The following TCF12 variants were observed in gnomAD, a reference collection of about 807,000 sequenced individuals.
TCF12 encodes the protein transcription factor 12.
In TCF12, 45 loss-of-function variants were observed where a neutral mutation model predicts 86.0. The ratio of observed to expected loss-of-function variants is 0.52; its 90% CI spans 0.41 to 0.67. The LOEUF (loss-of-function observed/expected upper bound fraction) is 0.67. TCF12 is among the 30% of genes least tolerant of loss of function. The pLI, the probability that TCF12 is intolerant of heterozygous loss-of-function variation, is 0.00. For missense variants in TCF12, 881 were observed against 859.9 expected (o/e 1.02, Z -0.31); for synonymous variants, 330 against 299.6 (o/e 1.10, Z -1.05).
At chr15:57,281,004 C>A (rs2061658816) in intron 19 of TCF12, among the ~76,000 whole-genome samples, 1 of 152,028 alleles carries the variant, frequency 6.6e-6, no homozygotes, top group Non-Finnish European at 1.5e-5. Context: ...TTTAAAAAAT[C>A]CAACAGGAAT....
rs374434898 is a variant in TCF12 at position 57,167,849 on chromosome 15, C to T, written c.390+1383C>T. ...TGTTGTTAATGATTGCTCTATTTTC[C>T]GTTTATGGTTAGCTTTATTTTATTC... is the stretch of plus-strand genomic sequence containing the variant. On this transcript the variant is annotated intron_variant, in intron 6 of 20. Coordinates refer to ENST00000333725, the MANE Select transcript of TCF12 (RefSeq NM_207037.2). 8.6e-5 allele frequency among the ~76,000 whole-genome samples: 13 copies of T among 151,936 alleles called. 1 individual carries two copies. The East Asian group carries it at 9.7e-4, about 11-fold the overall frequency.
intron 5 of TCF12, 125 bp from the exon 6 acceptor site, chr15:57,166,277 C>T (rs931656726): frequency 5.5e-6 from 4 of 730,254 alleles, no homozygotes; most frequent in Admixed American, 2.9e-5. Context: ...GAATTGTATC[C>T]TCTTATTTCT....
chr15:57,255,883 G>C (rs1177793096), intron 16 of TCF12, among the ~76,000 whole-genome samples: 4 of 152,196 alleles, frequency 2.6e-5, no homozygotes, highest in African/African-American at 4.8e-5. Context: ...TGCAACATTA[G>C]TGCCACAGCA....
intron 6 of TCF12, among the ~76,000 whole-genome samples, chr15:57,168,351 G>A (rs957375451): frequency 2.0e-5 from 3 of 152,156 alleles, no homozygotes; most frequent in Non-Finnish European, 4.4e-5. Flanking sequence ...GTAAAAAATA[G>A]AAAAGCAGCA....
In TCF12 at chr15:57,289,049, C is replaced by T. The variant is rs2062021790; in HGVS notation, c.*2904C>T. Reference sequence around the variant, plus strand: ...TGAGGACTTCATGCCAAGCAAGAACCTCAAACAAACTAGACAAACTTTTTT... The same window carrying T: ...TGAGGACTTCATGCCAAGCAAGAACTTCAAACAAACTAGACAAACTTTTTT... On this transcript the variant is annotated 3_prime_UTR_variant, in exon 21 of 21. Transcript: ENST00000333725. 1 of 152,122 alleles carries T rather than the reference C, an allele frequency of 6.6e-6. No homozygotes were observed. Among genetic ancestry groups the T allele is most frequent in the East Asian group, 1.9e-4 (1 of 5,190 alleles). The allele number at this position is 152,122 out of a possible 1,614,324, so 9.4% of individuals were successfully genotyped here. A position where few individuals can be genotyped will look rare whatever the true frequency, so the allele number is the denominator to read the frequency against.
chr15:57,284,781 T>A (rs1417287955), intron 20 of TCF12, among the ~76,000 whole-genome samples: 1 of 152,256 alleles, frequency 6.6e-6, no homozygotes, highest in East Asian at 1.9e-4. Context: ...CTCGTTCAAC[T>A]TTGTCTTCTT....
chr15:57,191,876 G>C (rs1174681505), intron 6 of TCF12, among the ~76,000 whole-genome samples: 1 of 151,894 alleles, frequency 6.6e-6, no homozygotes, highest in East Asian at 1.9e-4. Flanking sequence ...AGAGGTCGCA[G>C]TGAGCTGAGA....
At chr15:56,945,688 G>T (rs773091639) in intron 3 of TCF12, among the ~76,000 whole-genome samples, 6 of 151,966 alleles carry the variant, frequency 3.9e-5, no homozygotes, top group South Asian at 2.1e-4. Flanking sequence ...TAATTTGATT[G>T]TGAGGTTTGC....
At chr15:57,274,364 G>C in intron 19 of TCF12, among the ~76,000 whole-genome samples, 1 of 152,194 alleles carries the variant, frequency 6.6e-6, no homozygotes, top group South Asian at 2.1e-4. Context: ...ATGAGGGATA[G>C]ATCATTTTGT....
At chr15:57,081,015 G>A (rs530254297) in intron 4 of TCF12, among the ~76,000 whole-genome samples, 2 of 152,242 alleles carry the variant, frequency 1.3e-5, no homozygotes, top group African/African-American at 4.8e-5. Flanking sequence ...AGCAGCGGAG[G>A]TTTTTCCATT....
intron 13 of TCF12, among the ~76,000 whole-genome samples, chr15:57,243,831 A>G (rs183892686): frequency 1.3e-5 from 2 of 152,308 alleles, no homozygotes; most frequent in Admixed American, 6.5e-5. Context: ...AGACCAGGCA[A>G]TTGGAATGAA....
chr15:57,077,078 T>G (rs2070133962), intron 4 of TCF12, among the ~76,000 whole-genome samples: 1 of 152,164 alleles, frequency 6.6e-6, no homozygotes, highest in Admixed American at 6.5e-5. Flanking sequence ...TGGTATCAGG[T>G]AGTGTAAGTC....
chr15:57,139,956 C>T (rs184788846), intron 5 of TCF12, among the ~76,000 whole-genome samples: 1 of 152,184 alleles, frequency 6.6e-6, no homozygotes, highest in African/African-American at 2.4e-5. Context: ...GTCTTTCCCA[C>T]AGAAATCGGA....
chr15:57,125,558 A>G (rs1175705821), intron 5 of TCF12, among the ~76,000 whole-genome samples: 1 of 152,278 alleles, frequency 6.6e-6, no homozygotes, highest in Non-Finnish European at 1.5e-5. Context: ...AGACAAGCCA[A>G]CAATGAATTT....
intron 3 of TCF12, among the ~76,000 whole-genome samples, chr15:56,986,518 A>G (rs575749437): frequency 1.1e-4 from 16 of 152,306 alleles, no homozygotes; most frequent in African/African-American, 3.8e-4. Context: ...TAAGTCAAAA[A>G]AGCAGCTCAG....
At chr15:57,281,199 A>G (rs1388555284) in intron 19 of TCF12, among the ~76,000 whole-genome samples, 1 of 151,598 alleles carries the variant, frequency 6.6e-6, no homozygotes, top group Admixed American at 6.6e-5. Flanking sequence ...CTTGGGCTCA[A>G]GCGATCCTTG....
At chr15:56,983,253 G>A (rs531088707) in intron 3 of TCF12, among the ~76,000 whole-genome samples, 2 of 152,174 alleles carry the variant, frequency 1.3e-5, no homozygotes, top group South Asian at 4.1e-4. Flanking sequence ...CTTGGCAAAA[G>A]AGAGATTGGT....
chr15:57,250,490 A>C (rs1324758616), intron 13 of TCF12, among the ~76,000 whole-genome samples: 1 of 152,172 alleles, frequency 6.6e-6, no homozygotes. Flanking sequence ...CCACTTTGTG[A>C]GGCTGAGGCG....
chr15:57,207,308 A>G (rs1310695750), intron 8 of TCF12, among the ~76,000 whole-genome samples: 1 of 152,156 alleles, frequency 6.6e-6, no homozygotes, highest in Non-Finnish European at 1.5e-5. Flanking sequence ...AATCCCTATG[A>G]ATCTAAGTAA....
Sources: allele counts gnomAD v4.1 joint callset (sites outside exome capture counted in the v4.1 genomes callset), GRCh38; gene constraint gnomAD v4.1.1; transcripts MANE v1.5; gene names NCBI Gene and HGNC (gene_info 2026-07-23, HGNC 2026-07-21).